COL22A1: variants seen among roughly 807,000 people sequenced by gnomAD.
COL22A1 encodes collagen alpha-1(XXII) chain.
Under a neutral mutation model 248.9 loss-of-function variants are expected in COL22A1, and 221 were observed. The ratio of observed to expected loss-of-function variants is 0.89; its 90% CI spans 0.80 to 0.99. COL22A1 has a LOEUF of 0.99. Ranked by LOEUF, COL22A1 falls within the 50% of genes least tolerant of loss-of-function variation. The pLI is 0.00. For synonymous variants in COL22A1, 891 were observed against 793.4 expected (o/e 1.12, Z -2.07); for missense variants, 2,240 against 2,179.0 (o/e 1.03, Z -0.56).
chr8:138,761,135 G>A (rs1563725893), intron 17 of COL22A1, among the ~76,000 whole-genome samples: 1 of 152,182 alleles, frequency 6.6e-6, no homozygotes, highest in African/African-American at 2.4e-5. Flanking sequence ...TGCACCCTGA[G>A]ACCCTCGCCG....
intron 1 of COL22A1, among the ~76,000 whole-genome samples, chr8:138,907,726 T>C (rs1186215898): frequency 6.6e-6 from 1 of 152,182 alleles, no homozygotes; most frequent in African/African-American, 2.4e-5. Context: ...GAAATCCCAG[T>C]GCATGGCACA....
intron 1 of COL22A1, among the ~76,000 whole-genome samples, chr8:138,906,172 C>T (rs1022364958): frequency 3.3e-5 from 5 of 152,082 alleles, no homozygotes; most frequent in Non-Finnish European, 5.9e-5. Flanking sequence ...AGATTGAGAC[C>T]ATCCTGGCTG....
chr8:138,876,685 C>G (rs981107968), intron 3 of COL22A1, among the ~76,000 whole-genome samples: 4 of 152,208 alleles, frequency 2.6e-5, no homozygotes, highest in African/African-American at 9.6e-5. Flanking sequence ...AGGCCCCTGC[C>G]TCCCCTTCTG....
At chr8:138,758,104 C>T (rs1317906003) in intron 18 of COL22A1, among the ~76,000 whole-genome samples, 2 of 152,220 alleles carry the variant, frequency 1.3e-5, no homozygotes, top group Non-Finnish European at 2.9e-5. Flanking sequence ...ATTTCCCTTT[C>T]TGTGCACAGT....
Position 138,819,905 on chromosome 8 carries a change from T to C in COL22A1, c.1245+1231A>G, listed in dbSNP as rs11988666. On this transcript the variant is annotated intron_variant, in intron 7 of 64. Coordinates refer to ENST00000303045, the MANE Select transcript of COL22A1 (RefSeq NM_152888.3). ...CCAAGAAATGCTCTCAATTAATCTATATCTCAAGCTTAAAGGACAGCTGTT... is the reference window on the plus strand; with the variant it reads ...CCAAGAAATGCTCTCAATTAATCTACATCTCAAGCTTAAAGGACAGCTGTT... Among the ~76,000 whole-genome samples, 1,092 of 152,086 alleles carry C rather than the reference T, an allele frequency of 7.2e-3. 18 individuals are homozygous for C. The highest frequency in any genetic ancestry group is 0.025 in the African/African-American group (1,041 of 41,540).
chr8:138,811,356 CACAT>C (rs1586803447), intron 9 of COL22A1, among the ~76,000 whole-genome samples: 1 of 68,980 alleles, frequency 1.4e-5, no homozygotes, highest in East Asian at 3.4e-4. Context: ...CATATATACA[CACAT>C]ATATATATAT....
rs139003178 is a variant in COL22A1, at chr8:138,688,930, T to G, written c.2849A>C (p.Glu950Ala). 1,053 of 1,612,972 alleles carry G rather than the reference T, an allele frequency of 6.5e-4. 7 individuals are homozygous for G. The Middle Eastern group carries it at 7.1e-3, about 11-fold the overall frequency. ...TATTGGTCTTACCTTCTCACCACGC[T>G]CCCCATCTTTCCCTGGGGTGCCTCT... is the stretch of plus-strand genomic sequence containing the variant. ...GLRGTPGKDG[E>A]RGEKGAAGEE... The change falls in exon 37 of 65, where the codon GAG becomes GCG. Residue 950 changes from glutamate (E) to alanine (A), a missense_variant. Glu to Ala is a moderately radical substitution (Grantham distance 107). Coordinates refer to ENST00000303045, the MANE Select transcript of COL22A1 (RefSeq NM_152888.3).
intron 4 of COL22A1, among the ~76,000 whole-genome samples, chr8:138,834,029 C>T (rs1820248882): frequency 1.3e-5 from 2 of 152,312 alleles, no homozygotes; most frequent in South Asian, 2.1e-4. Flanking sequence ...TCCCCACAAC[C>T]ACCAGCACAC....
chr8:138,809,731 G>C (rs1267666098), intron 9 of COL22A1, among the ~76,000 whole-genome samples: 1 of 151,894 alleles, frequency 6.6e-6, no homozygotes, highest in Non-Finnish European at 1.5e-5. Context: ...TGTTGGCCAG[G>C]CTGGTCTCAA....
At chr8:138,742,928 G>A (rs1831762401) in intron 22 of COL22A1, among the ~76,000 whole-genome samples, 4 of 151,546 alleles carry the variant, frequency 2.6e-5, no homozygotes, top group Admixed American at 1.3e-4. Context: ...GATGGTAATG[G>A]TGGAGTTGAT....
At chr8:138,654,517 A>T (rs1055710971) in intron 45 of COL22A1, among the ~76,000 whole-genome samples, 2 of 152,076 alleles carry the variant, frequency 1.3e-5, no homozygotes, top group African/African-American at 4.8e-5. Flanking sequence ...ATTTTCTGAA[A>T]TCACCCAGTG....
intron 45 of COL22A1, among the ~76,000 whole-genome samples, chr8:138,650,291 G>T (rs1424898207): frequency 1.3e-5 from 2 of 152,150 alleles, no homozygotes; most frequent in Non-Finnish European, 2.9e-5. Flanking sequence ...TTGGGACTTT[G>T]TTTCTGTGAT....
intron 1 of COL22A1, among the ~76,000 whole-genome samples, chr8:138,903,303 A>C (rs541255213): frequency 1.6e-4 from 25 of 152,112 alleles, no homozygotes; most frequent in Admixed American, 3.3e-4. Context: ...GGGCCACCCA[A>C]CCCCAGGATC....
intron 12 of COL22A1, among the ~76,000 whole-genome samples, chr8:138,792,820 A>G (rs1816182731): frequency 6.6e-6 from 1 of 152,184 alleles, no homozygotes; most frequent in African/African-American, 2.4e-5. Flanking sequence ...CAGTTTCCTT[A>G]GCTGCCAAAG....
intron 47 of COL22A1, among the ~76,000 whole-genome samples, chr8:138,643,293 A>G (rs1202204137): frequency 1.3e-5 from 2 of 152,178 alleles, no homozygotes; most frequent in Non-Finnish European, 2.9e-5. Context: ...TCTGATATCT[A>G]TAACTCCTGA....
chr8:138,902,934 C>T (rs960318512), intron 1 of COL22A1, among the ~76,000 whole-genome samples: 2 of 151,968 alleles, frequency 1.3e-5, no homozygotes, highest in Admixed American at 6.6e-5. Flanking sequence ...TTTTCATGGT[C>T]GTCCACCCCT....
chr8:138,810,851 T>C (rs529515775), intron 9 of COL22A1, among the ~76,000 whole-genome samples: 11 of 152,270 alleles, frequency 7.2e-5, no homozygotes, highest in Admixed American at 2.0e-4. Context: ...ACTCCCACCG[T>C]CATCTCGTCT....
At chr8:138,712,303 C>T (rs1446860277) in intron 30 of COL22A1, among the ~76,000 whole-genome samples, 1 of 152,192 alleles carries the variant, frequency 6.6e-6, no homozygotes, top group Non-Finnish European at 1.5e-5. Context: ...CACAAATAAA[C>T]TCCTATGAGG....
intron 49 of COL22A1, 39 bp from the exon 50 acceptor site, chr8:138,630,787 C>A (rs750182923): frequency 6.3e-7 from 1 of 1,584,010 alleles, no homozygotes; most frequent in South Asian, 1.1e-5. Flanking sequence ...TCTTGTGCAT[C>A]TAGACAGAGG....
Sources: gnomAD v4.1 joint callset for allele counts (sites outside exome capture counted in the v4.1 genomes callset) on GRCh38, gnomAD v4.1.1 for gene constraint, MANE v1.5 for transcripts, NCBI Gene and HGNC (gene_info 2026-07-23, HGNC 2026-07-21) for gene names.